Variants in FSTL4 observed in about 807,000 individuals in gnomAD.
FSTL4 encodes follistatin like 4.
In FSTL4, 28 loss-of-function variants were observed where a neutral mutation model predicts 78.2. The ratio of observed to expected loss-of-function variants is 0.36; its 90% CI spans 0.27 to 0.49. FSTL4 has a LOEUF of 0.49. Among genes scored for constraint, FSTL4 ranks in the 20% least tolerant of loss-of-function variants. The pLI is 0.98. For missense variants in FSTL4, 922 were observed against 1,084.9 expected, an observed-to-expected ratio of 0.85 and a Z score of 2.11; for synonymous variants, 422 against 440.5, an observed-to-expected ratio of 0.96 and a Z score of 0.53.
At chr5:133,454,426 G>C (rs751533449) in intron 3 of FSTL4, among the ~76,000 whole-genome samples, 19 of 152,156 alleles carry the variant, frequency 1.2e-4, no homozygotes, top group Non-Finnish European at 2.2e-4. Flanking sequence ...TTTCTGAATG[G>C]TGGGTTTGCA....
the FSTL4 span, among the ~76,000 whole-genome samples, chr5:133,695,606 C>A: frequency 6.6e-6 from 1 of 152,166 alleles, no homozygotes; most frequent in Non-Finnish European, 1.5e-5. Flanking sequence ...GGAAGATGCC[C>A]GGGATGCCAC....
chr5:133,217,173 G>A, intron 13 of FSTL4, 56 bp downstream of exon 13: 2 of 1,464,644 alleles, frequency 1.4e-6, no homozygotes, highest in Non-Finnish European at 1.9e-6. Context: ...AAAGAAGAAT[G>A]TGGCAGGCTG....
At chr5:133,326,885 T>A (rs1220220591) in intron 4 of FSTL4, among the ~76,000 whole-genome samples, 5 of 152,198 alleles carry the variant, frequency 3.3e-5, no homozygotes, top group Admixed American at 6.5e-5. Context: ...CTTCACCAGG[T>A]GCTGCAGCCT....
chr5:133,533,528 G>A (rs1303685550), intron 3 of FSTL4, among the ~76,000 whole-genome samples: 1 of 152,192 alleles, frequency 6.6e-6, no homozygotes. Flanking sequence ...TTACAGGCGT[G>A]AGCCACCATG....
chr5:133,582,200 C>T (rs1403941712), intron 2 of FSTL4, among the ~76,000 whole-genome samples: 3 of 152,120 alleles, frequency 2.0e-5, no homozygotes, highest in Non-Finnish European at 4.4e-5. Flanking sequence ...GCTCAAGCAG[C>T]CAGGACTGAG....
the FSTL4 span, among the ~76,000 whole-genome samples, chr5:133,635,999 C>T: frequency 2.0e-5 from 3 of 152,242 alleles, no homozygotes; most frequent in Non-Finnish European, 4.4e-5. Flanking sequence ...CATGGCATCA[C>T]GTGAGCAGGG....
intron 4 of FSTL4, among the ~76,000 whole-genome samples, chr5:133,366,933 T>C (rs1755193231): frequency 1.3e-5 from 2 of 152,192 alleles, no homozygotes; most frequent in South Asian, 4.1e-4. Context: ...TGTTAAATGA[T>C]ATATTTAAAT....
intron 4 of FSTL4, among the ~76,000 whole-genome samples, chr5:133,331,590 C>T (rs969246971): frequency 4.6e-5 from 7 of 152,156 alleles, no homozygotes; most frequent in African/African-American, 7.2e-5. Context: ...GCCGGCGATA[C>T]GTGCTCTTAC....
In FSTL4 at chr5:133,611,843, C is replaced by A. The variant is rs537502142; in HGVS notation, c.-11+482G>T. ...CGCGGGGAGGAGGTGCTGAGAATGC[C>A]TGCCCGGCGCCCCAACCCGGAGCCA... On this transcript the variant is annotated intron_variant, in intron 1 of 15. Transcript: ENST00000265342. This position sits in a 1 kb window ranked among gnomAD's most constrained non-coding sequence, Gnocchi z 4.9. Among the ~76,000 whole-genome samples the A allele has an allele frequency of 6.6e-6, 1 of 152,266 alleles. No homozygotes were observed. Among genetic ancestry groups the A allele is most frequent in the South Asian group, 2.1e-4 (1 of 4,832 alleles).
chr5:133,253,954 C>G (rs1752324098), intron 6 of FSTL4, among the ~76,000 whole-genome samples: 1 of 152,200 alleles, frequency 6.6e-6, no homozygotes. Context: ...GAGCTCCTCA[C>G]ACTATTGGCC....
chr5:133,661,959 T>C, the FSTL4 span, among the ~76,000 whole-genome samples: 1 of 152,228 alleles, frequency 6.6e-6, no homozygotes, highest in Non-Finnish European at 1.5e-5. Flanking sequence ...CAGAGAAGCA[T>C]ATGCACAAAG....
intron 3 of FSTL4, among the ~76,000 whole-genome samples, chr5:133,462,425 T>C (rs1031594557): frequency 6.6e-6 from 1 of 152,260 alleles, no homozygotes; most frequent in African/African-American, 2.4e-5. Context: ...AACACCTTAA[T>C]TATCTTTCAG....
At chr5:133,207,430 T>C (rs1266179263) in intron 14 of FSTL4, among the ~76,000 whole-genome samples, 2 of 152,240 alleles carry the variant, frequency 1.3e-5, no homozygotes, top group Non-Finnish European at 1.5e-5. Flanking sequence ...ATTATCACTT[T>C]ATGTGTGTTT....
intron 3 of FSTL4, among the ~76,000 whole-genome samples, chr5:133,430,746 CT>C (rs576481730): frequency 5.8e-4 from 88 of 152,284 alleles, no homozygotes; most frequent in African/African-American, 2.1e-3. Context: ...GTGATATTCA[CT>C]GACTGTTTTT....
intron 3 of FSTL4, among the ~76,000 whole-genome samples, chr5:133,430,865 G>A (rs979385860): frequency 6.6e-6 from 1 of 152,134 alleles, no homozygotes; most frequent in Middle Eastern, 3.2e-3. Flanking sequence ...TAAAGGCCCC[G>A]CAGAGGAGGC....
At chr5:133,302,527 T>C (rs939794304) in intron 6 of FSTL4, among the ~76,000 whole-genome samples, 15 of 152,084 alleles carry the variant, frequency 9.9e-5, no homozygotes, top group African/African-American at 3.4e-4. Flanking sequence ...CTGGGAGGCA[T>C]TTGGTAAGGA....
intron 3 of FSTL4, among the ~76,000 whole-genome samples, chr5:133,459,262 G>A (rs776443154): frequency 6.6e-6 from 1 of 152,052 alleles, no homozygotes; most frequent in Non-Finnish European, 1.5e-5. Context: ...GACAGTCCCC[G>A]AGAGTGCTTT....
intron 6 of FSTL4, among the ~76,000 whole-genome samples, chr5:133,276,859 T>C (rs1192499446): frequency 6.6e-6 from 1 of 152,102 alleles, no homozygotes; most frequent in Non-Finnish European, 1.5e-5. Flanking sequence ...AATATTATCA[T>C]CAATGAAAAG....
chr5:133,744,849 C>A, the FSTL4 span, among the ~76,000 whole-genome samples: 1 of 152,126 alleles, frequency 6.6e-6, no homozygotes, highest in East Asian at 1.9e-4. Flanking sequence ...TTTACAGAGC[C>A]AACACTCAGC....
Sources: allele counts gnomAD v4.1 joint callset (sites outside exome capture counted in the v4.1 genomes callset), GRCh38; gene constraint gnomAD v4.1.1; non-coding constraint Gnocchi (gnomAD v3.1); transcripts MANE v1.5; gene names NCBI Gene and HGNC (gene_info 2026-07-23, HGNC 2026-07-21).